The following ACYP2 variants were observed in gnomAD, a reference collection of about 807,000 sequenced individuals.
ACYP2 encodes the protein acylphosphatase 2, also known as acylphosphatase-2.
ACYP2 carries 12 observed loss-of-function variants against 11.2 expected under a neutral mutation model. The observed-to-expected ratio is 1.08, with a 90% CI of 0.69 to 1.74. The LOEUF is 1.74. Ranked by LOEUF, ACYP2 falls within the 40% of genes most tolerant of loss-of-function variation. The probability of loss-of-function intolerance (pLI) is 0.00; values close to 1 mark genes in which losing one functional copy is unlikely to be tolerated. For synonymous variants in ACYP2, 43 were observed against 32.2 expected (o/e 1.33, Z -1.13); for missense variants, 134 against 101.9 (o/e 1.31, Z -1.35).
chr2:54,201,619 TC>T (rs1558608603), intron 6 of ACYP2, among the ~76,000 whole-genome samples: 3 of 82,794 alleles, frequency 3.6e-5, no homozygotes, highest in African/African-American at 9.4e-5. Context: ...TTTCTTTCTT[TC>T]TTTGTTTCTT....
chr2:54,085,309 G>C (rs1187669349), intron 4 of ACYP2, among the ~76,000 whole-genome samples: 1 of 152,176 alleles, frequency 6.6e-6, no homozygotes, highest in Non-Finnish European at 1.5e-5. Flanking sequence ...GTGGGGGTGT[G>C]AGAGTGCACC....
intron 2 of ACYP2, among the ~76,000 whole-genome samples, chr2:54,011,264 G>C (rs1278388755): frequency 6.6e-6 from 1 of 152,026 alleles, no homozygotes; most frequent in South Asian, 2.1e-4. Context: ...CTCCTTTTCT[G>C]TTTTTCATTA....
chr2:54,236,156 C>T (rs966846784), intron 6 of ACYP2, among the ~76,000 whole-genome samples: 1 of 151,870 alleles, frequency 6.6e-6, no homozygotes, highest in Admixed American at 6.6e-5. Flanking sequence ...GGCTGGTCTC[C>T]AACTCCTGGG....
intron 2 of ACYP2, among the ~76,000 whole-genome samples, chr2:54,007,930 A>G (rs991509014): frequency 4.6e-5 from 7 of 152,178 alleles, no homozygotes; most frequent in African/African-American, 1.7e-4. Flanking sequence ...AAGGGCTACT[A>G]TCATCCTTGC....
At chr2:54,057,643 T>C (rs1000920290) in intron 4 of ACYP2, among the ~76,000 whole-genome samples, 5 of 152,250 alleles carry the variant, frequency 3.3e-5, no homozygotes, top group African/African-American at 1.2e-4. Flanking sequence ...TCTAGATTAA[T>C]AGGTTCTGAA....
In ACYP2 at chr2:54,115,522, G is replaced by A. The variant is rs574215279; in HGVS notation, c.278-19931G>A. The A allele has an allele frequency of 2.0e-6, 3 of 1,478,174 alleles. No homozygotes were observed. In the East Asian group the frequency reaches 7.7e-5, roughly 38 times the overall value. 91.6% of individuals were successfully genotyped at this position (1,478,174 alleles called of 1,614,324 possible). ...GCGTCCCCGGCTGCCCTCGCTCCCA[G>A]GCCCCGCAGTCTCATTTGCCGCTTC... On this transcript the variant is annotated intron_variant, in intron 4 of 6. Coordinates refer to ENST00000607452, the MANE Select transcript of ACYP2 (RefSeq NM_001320586.2).
At chr2:54,101,935 T>G (rs1468802561) in intron 4 of ACYP2, among the ~76,000 whole-genome samples, 1 of 152,214 alleles carries the variant, frequency 6.6e-6, no homozygotes, top group Non-Finnish European at 1.5e-5. Flanking sequence ...GACACTTTAT[T>G]AACTAAAGTC....
chr2:54,150,663 C>T (rs1288457705), intron 6 of ACYP2, among the ~76,000 whole-genome samples: 1 of 151,980 alleles, frequency 6.6e-6, no homozygotes, highest in Non-Finnish European at 1.5e-5. Flanking sequence ...CTGGGGTGAT[C>T]GGCCCATCTC....
intron 2 of ACYP2, among the ~76,000 whole-genome samples, chr2:53,978,360 C>A (rs552689000): frequency 1.1e-4 from 17 of 152,002 alleles, no homozygotes; most frequent in South Asian, 6.2e-4. Flanking sequence ...TTCTTAGAGT[C>A]CTCATCAAAT....
At chr2:54,019,916 G>T (rs1673913573) in intron 2 of ACYP2, among the ~76,000 whole-genome samples, 1 of 151,932 alleles carries the variant, frequency 6.6e-6, no homozygotes, top group African/African-American at 2.4e-5. Flanking sequence ...CACTGCACCT[G>T]GCCTTTTCTT....
At chr2:54,026,213 A>T (rs1011950897) in intron 2 of ACYP2, among the ~76,000 whole-genome samples, 2 of 152,256 alleles carry the variant, frequency 1.3e-5, no homozygotes, top group African/African-American at 4.8e-5. Flanking sequence ...TCTACAAGGA[A>T]CTCAAATTAG....
intron 6 of ACYP2, among the ~76,000 whole-genome samples, chr2:54,159,005 ACT>A (rs913392536): frequency 5.9e-5 from 9 of 152,020 alleles, no homozygotes; most frequent in Middle Eastern, 3.4e-3. Context: ...TTAGGTTGTA[ACT>A]CTCTATATAT....
chr2:54,033,191 G>C (rs1005491768), intron 2 of ACYP2, among the ~76,000 whole-genome samples: 8 of 134,054 alleles, frequency 6.0e-5, no homozygotes, highest in African/African-American at 2.3e-4. Context: ...AGTCGTGCCT[G>C]TGGGCAATTT....
intron 6 of ACYP2, among the ~76,000 whole-genome samples, chr2:54,194,878 G>A (rs1445039164): frequency 6.6e-6 from 1 of 152,124 alleles, no homozygotes. Flanking sequence ...ATTACTAGAA[G>A]TGTATATATT....
At chr2:54,183,518 C>T (rs1393625676) in intron 6 of ACYP2, among the ~76,000 whole-genome samples, 4 of 150,770 alleles carry the variant, frequency 2.7e-5, no homozygotes, top group East Asian at 1.9e-4. Context: ...GGCGACAGAG[C>T]GAGACCCGGT....
intron 6 of ACYP2, 48 bp from the exon 4 acceptor site, chr2:54,304,640 A>T (rs1689847646): frequency 7.2e-7 from 1 of 1,388,930 alleles, no homozygotes; most frequent in Non-Finnish European, 1.0e-6. Flanking sequence ...TAGCTGATCC[A>T]TGTATACTTT....
intron 6 of ACYP2, among the ~76,000 whole-genome samples, chr2:54,270,371 A>C (rs976000805): frequency 1.3e-5 from 2 of 152,126 alleles, no homozygotes; most frequent in African/African-American, 2.4e-5. Context: ...CTATGATCTT[A>C]CTCTGCTATG....
chr2:54,048,996 C>T (rs1266403916), intron 2 of ACYP2, among the ~76,000 whole-genome samples: 1 of 152,104 alleles, frequency 6.6e-6, no homozygotes. Flanking sequence ...GAGCTGGGGC[C>T]AGGTGCAGTG....
intron 2 of ACYP2, among the ~76,000 whole-genome samples, chr2:54,035,781 T>A (rs1674867258): frequency 1.3e-5 from 2 of 152,328 alleles, no homozygotes; most frequent in South Asian, 2.1e-4. Flanking sequence ...TTCCTTCTTA[T>A]AATTTGTTAA....
Sources: gnomAD v4.1 joint callset for allele counts (sites outside exome capture counted in the v4.1 genomes callset) on GRCh38, gnomAD v4.1.1 for gene constraint, MANE v1.5 for transcripts, NCBI Gene and HGNC (gene_info 2026-07-23, HGNC 2026-07-21) for gene names.